The following NEK11 variants were observed in gnomAD, a reference collection of about 807,000 sequenced individuals.
NEK11 encodes the protein NIMA related kinase 11.
A neutral mutation model predicts 80.7 loss-of-function variants in NEK11; 72 were observed. That is an observed-to-expected ratio of 0.89 (90% confidence interval 0.74 to 1.08). The LOEUF (loss-of-function observed/expected upper bound fraction) is 1.08, where lower values mean the gene tolerates loss of function less well. Among genes scored for constraint, NEK11 ranks in the 50% least tolerant of loss-of-function variants. The pLI is 0.00. For synonymous variants in NEK11, 251 were observed against 260.7 expected (o/e 0.96, Z 0.36); for missense variants, 764 against 763.6 (o/e 1.00, Z -0.01).
At position 131,276,265 on chromosome 3, in the gene NEK11, G is replaced by T. The variant is rs953179242; in HGVS notation, c.1718+2691G>T. 7.2e-5 allele frequency among the ~76,000 whole-genome samples: 11 copies of T among 152,356 alleles called. No homozygotes were observed. In the East Asian group the frequency reaches 2.1e-3, roughly 29 times the overall value. On this transcript the variant is annotated intron_variant, in intron 17 of 17. Coordinates refer to ENST00000383366, the MANE Select transcript of NEK11 (RefSeq NM_024800.5). ...ACTCAGAGATGGAGATTAATGTGTAGGAGGAGGTTTGTGAGGGAATCTTCT... is the reference window on the plus strand; with the variant it reads ...ACTCAGAGATGGAGATTAATGTGTATGAGGAGGTTTGTGAGGGAATCTTCT...
At chr3:131,227,798 G>A (rs1310281827) in intron 14 of NEK11, among the ~76,000 whole-genome samples, 1 of 152,004 alleles carries the variant, frequency 6.6e-6, no homozygotes, top group Non-Finnish European at 1.5e-5. Flanking sequence ...TCCATTCATG[G>A]CCTTTCTTCA....
At chr3:131,292,134 A>G (rs749932742) in intron 17 of NEK11, among the ~76,000 whole-genome samples, 1 of 152,220 alleles carries the variant, frequency 6.6e-6, no homozygotes, top group African/African-American at 2.4e-5. Context: ...AATTATTTGC[A>G]TATGGATGTA....
chr3:131,067,039 C>G (rs1348766464), intron 3 of NEK11, among the ~76,000 whole-genome samples: 1 of 152,096 alleles, frequency 6.6e-6, no homozygotes, highest in African/African-American at 2.4e-5. Context: ...ATGGCGCTTA[C>G]TATTGCCATA....
chr3:131,294,884 A>G (rs1299550013), intron 17 of NEK11, among the ~76,000 whole-genome samples: 1 of 152,148 alleles, frequency 6.6e-6, no homozygotes, highest in Non-Finnish European at 1.5e-5. Flanking sequence ...GTCTGAAATT[A>G]TTAAGGCTCC....
chr3:131,224,174 T>C (rs1205237773), intron 14 of NEK11, among the ~76,000 whole-genome samples: 1 of 152,126 alleles, frequency 6.6e-6, no homozygotes, highest in Non-Finnish European at 1.5e-5. Flanking sequence ...GTGTAATGCA[T>C]ATATTTATGT....
chr3:131,092,470 T>A lies in NEK11; in HGVS notation c.336+11882T>A, dbSNP rs74857745. Among the ~76,000 whole-genome samples the A allele has an allele frequency of 4.6e-3, 708 of 152,348 alleles. 4 individuals are homozygous for A. Among genetic ancestry groups the A allele is most frequent in the African/African-American group, 0.015 (643 of 41,584 alleles). ...AAAAAAATGAGCCAGAAGAGGAATCTACTTGTTTTAACCAAGTAACTTGTT... is the reference window on the plus strand; with the variant it reads ...AAAAAAATGAGCCAGAAGAGGAATCAACTTGTTTTAACCAAGTAACTTGTT... On this transcript the variant is annotated intron_variant, in intron 4 of 17. Coordinates refer to ENST00000383366, the MANE Select transcript of NEK11 (RefSeq NM_024800.5).
chr3:131,342,629 GTT>G (rs1454152152), intron 17 of NEK11, among the ~76,000 whole-genome samples: 11 of 147,968 alleles, frequency 7.4e-5, no homozygotes, highest in Non-Finnish European at 1.3e-4. Context: ...CTACAAAATT[GTT>G]TGAGGCTTCC....
chr3:131,242,161 A>T (rs956135586), intron 15 of NEK11, among the ~76,000 whole-genome samples: 4 of 152,144 alleles, frequency 2.6e-5, no homozygotes, highest in African/African-American at 9.7e-5. Context: ...TTCTGAAAAA[A>T]AATGTGGGCA....
At chr3:131,215,453 A>C (rs2094801798) in intron 14 of NEK11, among the ~76,000 whole-genome samples, 1 of 152,036 alleles carries the variant, frequency 6.6e-6, no homozygotes, top group Non-Finnish European at 1.5e-5. Flanking sequence ...AAGAAAAGAA[A>C]GATATTGTCT....
intron 3 of NEK11, among the ~76,000 whole-genome samples, chr3:131,058,846 G>A (rs2070221271): frequency 6.6e-6 from 1 of 152,170 alleles, no homozygotes; most frequent in South Asian, 2.1e-4. Flanking sequence ...TACAACTGAG[G>A]TAACTGAGAA....
At chr3:131,139,076 C>A (rs951586036) in intron 7 of NEK11, among the ~76,000 whole-genome samples, 22 of 151,990 alleles carry the variant, frequency 1.4e-4, no homozygotes, top group African/African-American at 5.3e-4. Flanking sequence ...AGAAATGCAA[C>A]CTTTCAGACA....
At chr3:131,131,818 T>G (rs1166706957) in intron 5 of NEK11, among the ~76,000 whole-genome samples, 1 of 152,100 alleles carries the variant, frequency 6.6e-6, no homozygotes, top group East Asian at 1.9e-4. Context: ...TCTTTCTTTT[T>G]TTCTAATATA....
chr3:131,328,123 C>A (rs899941003), intron 17 of NEK11, among the ~76,000 whole-genome samples: 1 of 151,710 alleles, frequency 6.6e-6, no homozygotes, highest in African/African-American at 2.4e-5. Context: ...CTTGTCTCTA[C>A]AGAATTTTTT....
chr3:131,060,219 T>G (rs1279770118), intron 3 of NEK11, among the ~76,000 whole-genome samples: 1 of 152,204 alleles, frequency 6.6e-6, no homozygotes, highest in African/African-American at 2.4e-5. Context: ...CTATTTTGGC[T>G]CTAAGGGTCT....
At chr3:131,183,492 G>A (rs1465396308) in intron 14 of NEK11, among the ~76,000 whole-genome samples, 1 of 152,144 alleles carries the variant, frequency 6.6e-6, no homozygotes, top group Non-Finnish European at 1.5e-5. Flanking sequence ...GTGTCCATGT[G>A]TTCTCATTGC....
intron 3 of NEK11, among the ~76,000 whole-genome samples, chr3:131,044,468 A>C (rs908496858): frequency 6.9e-6 from 1 of 145,374 alleles, no homozygotes; most frequent in Non-Finnish European, 1.5e-5. Flanking sequence ...TTGGAATCCT[A>C]GTCTCTAGTC....
chr3:131,179,283 T>G (rs2093216867), intron 14 of NEK11, among the ~76,000 whole-genome samples: 2 of 152,222 alleles, frequency 1.3e-5, no homozygotes, highest in Admixed American at 1.3e-4. Flanking sequence ...TAAATTTATG[T>G]TCTTTATAAA....
In NEK11 at chr3:131,244,944, T is replaced by C. The variant is rs554582423; in HGVS notation, c.1621+1448T>C. 4.5e-4 allele frequency among the ~76,000 whole-genome samples: 69 copies of C among 152,208 alleles called. No individual in the cohort carries two copies. The South Asian group carries it at 0.014, about 31-fold the overall frequency. ...ATCTCAAAAATATATATTATTGTTATAATTTCTATAAAGTAAAGGGGTACA... is the reference window on the plus strand; with the variant it reads ...ATCTCAAAAATATATATTATTGTTACAATTTCTATAAAGTAAAGGGGTACA... On this transcript the variant is annotated intron_variant, in intron 16 of 17. Coordinates refer to ENST00000383366, the MANE Select transcript of NEK11 (RefSeq NM_024800.5).
chr3:131,174,732 G>A (rs576214577), intron 14 of NEK11: 2 of 1,595,902 alleles, frequency 1.3e-6, no homozygotes, highest in South Asian at 2.3e-5. Flanking sequence ...GAACTTCTTT[G>A]TACTCTAGCA....
Sources: allele counts gnomAD v4.1 joint callset (sites outside exome capture counted in the v4.1 genomes callset), GRCh38; gene constraint gnomAD v4.1.1; transcripts MANE v1.5; gene names NCBI Gene and HGNC (gene_info 2026-07-23, HGNC 2026-07-21).